SRGAP1: variants seen among roughly 807,000 people sequenced by gnomAD.
SRGAP1 encodes SLIT-ROBO Rho GTPase activating protein 1, also known as SLIT-ROBO Rho GTPase-activating protein 1.
SRGAP1 carries 43 observed loss-of-function variants against 121.9 expected under a neutral mutation model. The observed-to-expected ratio is 0.35, with a 90% CI of 0.28 to 0.46. SRGAP1 has a LOEUF of 0.46. Among genes scored for constraint, SRGAP1 ranks in the 20% least tolerant of loss-of-function variants. SRGAP1 has a pLI of 1.00. For missense variants in SRGAP1, 1,102 were observed against 1,350.9 expected, an observed-to-expected ratio of 0.82 and a Z score of 2.89; for synonymous variants, 447 against 485.4, an observed-to-expected ratio of 0.92 and a Z score of 1.04.
In SRGAP1 at chr12:64,084,363, C is replaced by T. The variant is rs547127409; in HGVS notation, c.1409-2636C>T. The stretch of plus-strand genomic sequence containing the variant: ...GGTGTGGCGAGGGGAAGGAGTGGTC[C>T]GTTGTTTTTAATAATTAAGTAGCTT... On this transcript the variant is annotated intron_variant, in intron 10 of 21. Transcript: ENST00000355086. 8.6e-5 allele frequency among the ~76,000 whole-genome samples: 13 copies of T among 151,692 alleles called. No homozygotes were observed. In the South Asian group the frequency reaches 1.2e-3, roughly 15 times the overall value.
At chr12:64,062,671 C>T (rs1366594356) in intron 6 of SRGAP1, among the ~76,000 whole-genome samples, 1 of 152,158 alleles carries the variant, frequency 6.6e-6, no homozygotes, top group Non-Finnish European at 1.5e-5. Context: ...TGCGTGCCAC[C>T]ATGCCTGGCT....
chr12:64,025,123 G>C (rs979467770), intron 4 of SRGAP1, among the ~76,000 whole-genome samples: 1 of 149,786 alleles, frequency 6.7e-6, no homozygotes, highest in Non-Finnish European at 1.5e-5. Flanking sequence ...ACGTATCTTT[G>C]AAGCCCTTGT....
intron 6 of SRGAP1, among the ~76,000 whole-genome samples, chr12:64,055,881 C>T (rs541851338): frequency 3.9e-5 from 6 of 152,286 alleles, no homozygotes; most frequent in African/African-American, 1.4e-4. Context: ...TAAGTACCAT[C>T]TGATGGCTCC....
chr12:63,906,372 T>C (rs565799887), intron 1 of SRGAP1, among the ~76,000 whole-genome samples: 312 of 152,256 alleles, frequency 2.0e-3, no homozygotes, highest in Non-Finnish European at 4.0e-3. Flanking sequence ...TGGAGTGCAG[T>C]GGTGAGATCT....
chr12:63,858,456 C>T (rs969378524), intron 1 of SRGAP1, among the ~76,000 whole-genome samples: 1 of 151,964 alleles, frequency 6.6e-6, no homozygotes, highest in Admixed American at 6.6e-5. Flanking sequence ...GCTGGGATTA[C>T]AGGCATAGAG....
Position 64,146,672 on chromosome 12 carries a change from A to G in SRGAP1, c.*4000A>G, listed in dbSNP as rs926962181. On this transcript the variant is annotated 3_prime_UTR_variant, in exon 22 of 22. Coordinates refer to ENST00000355086, the MANE Select transcript of SRGAP1 (RefSeq NM_020762.4). The stretch of plus-strand genomic sequence containing the variant: ...TCTTGTTTTCGATTATCCACCACAG[A>G]AACCCTGAGACACAGAGCAGCTTAG... 6.6e-6 allele frequency: 1 copy of G among 152,162 alleles called. No homozygotes were observed. The highest frequency in any genetic ancestry group is 2.4e-5 in the African/African-American group (1 of 41,420). 9.4% of individuals were successfully genotyped at this position (152,162 alleles called of 1,614,324 possible).
In SRGAP1 at chr12:64,157,314, A is replaced by C. The variant is rs953817825; in HGVS notation, c.*14642A>C. The C allele has an allele frequency of 1.3e-5, 2 of 152,170 alleles. No homozygotes were observed. Among genetic ancestry groups the C allele is most frequent in the Non-Finnish European group, 1.5e-5 (1 of 68,044 alleles). 9.4% of individuals were successfully genotyped at this position (152,170 alleles called of 1,614,324 possible). A position where few individuals can be genotyped will look rare whatever the true frequency, so the allele number is the denominator to read the frequency against. On this transcript the variant is annotated 3_prime_UTR_variant, in exon 22 of 22. Transcript: ENST00000355086. ...AGTAATTGATGCTAGCTGCTGTAAC[A>C]AACAACCCCCCAAACTCAGTAACAC...
chr12:64,075,884 A>G (rs1565669561), intron 8 of SRGAP1, among the ~76,000 whole-genome samples: 2 of 151,540 alleles, frequency 1.3e-5, no homozygotes, highest in Non-Finnish European at 2.9e-5. Context: ...ACTAGTACTA[A>G]TTGCTACTGT....
chr12:64,161,353 A>G lies in SRGAP1; in HGVS notation c.*18681A>G, dbSNP rs2037208179. The G allele has an allele frequency of 6.6e-6, 1 of 152,148 alleles. No individual in the cohort carries two copies. Among genetic ancestry groups the G allele is most frequent in the African/African-American group, 2.4e-5 (1 of 41,436 alleles). 9.4% of individuals were successfully genotyped at this position (152,148 alleles called of 1,614,324 possible). On this transcript the variant is annotated 3_prime_UTR_variant, in exon 22 of 22. Transcript: ENST00000355086. ...AGGTTGGACCTCATGAACTGATCCT[A>G]TAATTTTACTAATTTTCCTCCAGTT...
intron 1 of SRGAP1, among the ~76,000 whole-genome samples, chr12:63,876,240 T>A (rs1171119053): frequency 6.6e-6 from 1 of 152,144 alleles, no homozygotes; most frequent in African/African-American, 2.4e-5. Flanking sequence ...TCATGAAACC[T>A]AGAACTCTTG....
At chr12:64,050,779 C>T (rs1482120374) in intron 6 of SRGAP1, among the ~76,000 whole-genome samples, 3 of 152,136 alleles carry the variant, frequency 2.0e-5, no homozygotes, top group Non-Finnish European at 4.4e-5. Context: ...GGCTGGAGTG[C>T]AGTGGTGCAA....
At chr12:63,978,721 A>C (rs2033162031) in intron 1 of SRGAP1, among the ~76,000 whole-genome samples, 2 of 152,218 alleles carry the variant, frequency 1.3e-5, no homozygotes, top group African/African-American at 4.8e-5. Flanking sequence ...ATGTATACCT[A>C]GGAGCAGAAT....
At chr12:64,051,768 TTCTCTCTCTG>T (rs2035243465) in intron 6 of SRGAP1, among the ~76,000 whole-genome samples, 1 of 152,122 alleles carries the variant, frequency 6.6e-6, no homozygotes, top group African/African-American at 2.4e-5. Context: ...CATTCTCTCT[TTCTCTCTCTG>T]TCTCTCTCTC....
chr12:64,157,777 C>T lies in SRGAP1; in HGVS notation c.*15105C>T, dbSNP rs2037175155. 1 of 150,066 alleles carries T rather than the reference C, an allele frequency of 6.7e-6. No individual in the cohort carries two copies. The highest frequency in any genetic ancestry group is 1.5e-5 in the Non-Finnish European group (1 of 67,126). 9.3% of individuals were successfully genotyped at this position (150,066 alleles called of 1,614,324 possible). On this transcript the variant is annotated 3_prime_UTR_variant, in exon 22 of 22. Transcript: ENST00000355086. Reference sequence around the variant, plus strand: ...AGCTGTGTGATTTCACAAGAGATAACTGATGCTAGCTGCTGTAACAAACAA... The same window carrying T: ...AGCTGTGTGATTTCACAAGAGATAATTGATGCTAGCTGCTGTAACAAACAA...
chr12:64,018,830 T>C (rs900878079), intron 4 of SRGAP1, among the ~76,000 whole-genome samples: 3 of 152,212 alleles, frequency 2.0e-5, no homozygotes, highest in African/African-American at 7.2e-5. Flanking sequence ...TAGCTTCTGA[T>C]ACCCTAAGGT....
chr12:63,985,124 C>T (rs1175378280), intron 2 of SRGAP1, among the ~76,000 whole-genome samples: 4 of 151,860 alleles, frequency 2.6e-5, no homozygotes, highest in Non-Finnish European at 1.5e-5. Flanking sequence ...CCTGGACAGA[C>T]CCAACTGATA....
At chr12:64,005,321 G>A (rs1006707611) in intron 3 of SRGAP1, among the ~76,000 whole-genome samples, 3 of 152,130 alleles carry the variant, frequency 2.0e-5, no homozygotes, top group Admixed American at 6.5e-5. Context: ...ATTGGCTAAT[G>A]TGCTGGCTTG....
At chr12:64,043,205 CA>C (rs1374397932) in intron 5 of SRGAP1, among the ~76,000 whole-genome samples, 1 of 152,194 alleles carries the variant, frequency 6.6e-6, no homozygotes, top group Non-Finnish European at 1.5e-5. Flanking sequence ...TGAATATTAA[CA>C]AGGAGATTTC....
At chr12:63,894,951 T>G (rs888356803) in intron 1 of SRGAP1, among the ~76,000 whole-genome samples, 18 of 152,100 alleles carry the variant, frequency 1.2e-4, no homozygotes, top group Admixed American at 8.5e-4. Flanking sequence ...TGTGCCTTTA[T>G]AGCAGCAGCA....
Sources: allele counts gnomAD v4.1 joint callset (sites outside exome capture counted in the v4.1 genomes callset), GRCh38; gene constraint gnomAD v4.1.1; transcripts MANE v1.5; gene names NCBI Gene and HGNC (gene_info 2026-07-23, HGNC 2026-07-21).